The following SLC26A8 variants were observed in gnomAD, a reference collection of about 807,000 sequenced individuals.
SLC26A8 encodes solute carrier family 26 member 8.
A neutral mutation model predicts 105.0 loss-of-function variants in SLC26A8; 70 were observed. The ratio of observed to expected loss-of-function variants is 0.67; its 90% confidence interval spans 0.55 to 0.81. SLC26A8 has a LOEUF of 0.81. Ranked by LOEUF, SLC26A8 falls within the 40% of genes least tolerant of loss-of-function variation. SLC26A8 has a pLI of 0.00. For synonymous variants in SLC26A8, 415 were observed against 438.3 expected (o/e 0.95, Z 0.66); for missense variants, 998 against 1,181.8 (o/e 0.84, Z 2.28).
intron 11 of SLC26A8, among the ~76,000 whole-genome samples, chr6:35,966,661 G>A (rs1453521931): frequency 6.6e-6 from 1 of 152,100 alleles, no homozygotes; most frequent in Non-Finnish European, 1.5e-5. Flanking sequence ...CTCTACTAGG[G>A]ACTCTAACAA....
At chr6:35,983,288 G>C (rs1773353624) in intron 7 of SLC26A8, among the ~76,000 whole-genome samples, 1 of 152,042 alleles carries the variant, frequency 6.6e-6, no homozygotes, top group Non-Finnish European at 1.5e-5. Flanking sequence ...TGGCAAGCAT[G>C]GCAAGGAACT....
chr6:35,976,550 CTTT>C (rs371327114), intron 9 of SLC26A8, among the ~76,000 whole-genome samples: 5 of 130,134 alleles, frequency 3.8e-5, no homozygotes, highest in Non-Finnish European at 4.9e-5. Context: ...GAAGCCCTCG[CTTT>C]TTTTTTTTTT....
At chr6:35,998,083 G>A (rs1761407673) in intron 4 of SLC26A8, among the ~76,000 whole-genome samples, 164 bp from the exon 5 acceptor site, 1 of 152,204 alleles carries the variant, frequency 6.6e-6, no homozygotes. Flanking sequence ...AGAGAACTGT[G>A]TCTCCACATA....
At chr6:35,971,781 T>C (rs73729636) in intron 10 of SLC26A8, among the ~76,000 whole-genome samples, 22,905 of 152,232 alleles carry the variant, frequency 0.15, 1,812 homozygotes, top group Middle Eastern at 0.2. Context: ...AAGAATGCAA[T>C]GCATTCATTT....
chr6:35,955,390 A>G lies in SLC26A8; in HGVS notation c.1994T>C (p.Val665Ala), dbSNP rs1772020603. The G allele has an allele frequency of 6.2e-7, 1 of 1,614,034 alleles. No individual in the cohort carries two copies. Among genetic ancestry groups the G allele is most frequent in the Non-Finnish European group, 8.5e-7 (1 of 1,180,018 alleles). ...TTGATTTTTCTGAGACACGGACGAT[A>G]CTGTGTATGGCACTTGGTCTTCGGA... ...TASEDQVPYT[V>A]SSVSQKNQGQ... is the part of the protein sequence containing the mutation. The change falls in exon 17 of 20, where the codon GTA becomes GCA. Residue 665 changes from valine to alanine, a missense_variant. Coordinates refer to ENST00000490799, the MANE Select transcript of SLC26A8 (RefSeq NM_052961.4).
Position 35,973,551 on chromosome 6 carries a change from AT to A in SLC26A8, c.1287+1823del, listed in dbSNP as rs534302531. Among the ~76,000 whole-genome samples the A allele has an allele frequency of 6.1e-3, 889 of 144,906 alleles. 2 individuals are homozygous for A. Among genetic ancestry groups the A allele is most frequent in the Middle Eastern group, 0.018 (5 of 278 alleles). On this transcript the variant is annotated intron_variant, in intron 10 of 19. Transcript: ENST00000490799. ...TAAAACATTATAAAATATTTTAGCG[AT>A]TTTTTTTTTTTTAGCTCATCAGCTA...
chr6:35,944,509 AAATAAT>A lies in SLC26A8; in HGVS notation c.2473-175_2473-170del, dbSNP rs58506796. On this transcript the variant is annotated intron_variant, in intron 19 of 19. Coordinates refer to ENST00000490799, the MANE Select transcript of SLC26A8 (RefSeq NM_052961.4). ...AACATAGTAAAACTTCTATCTTAAC[AAATAAT>A]AATAATAATTATAATTATTATATAA... is the stretch of plus-strand genomic sequence containing the variant. 0.21 allele frequency among the ~76,000 whole-genome samples: 30,442 copies of A among 147,804 alleles called. 3,441 individuals carry two copies. Among genetic ancestry groups the A allele is most frequent in the Middle Eastern group, 0.3 (84 of 278 alleles).
intron 10 of SLC26A8, among the ~76,000 whole-genome samples, chr6:35,969,996 G>T (rs1772725479): frequency 6.6e-6 from 1 of 152,114 alleles, no homozygotes; most frequent in Admixed American, 6.6e-5. Flanking sequence ...ATGGTCTCTG[G>T]ATAGTCTTGA....
Position 35,977,251 on chromosome 6 carries a change from C to G in SLC26A8, c.1126G>C (p.Gly376Arg). Residue 376 changes from glycine (G) to arginine (R), a missense_variant, in exon 9 of 20, where the codon GGC becomes CGC. Transcript: ENST00000490799. Reference protein sequence around the residue: ...LVSSFLLIFLGKKIASLHNYS... With the variant: ...LVSSFLLIFLRKKIASLHNYS... The stretch of plus-strand genomic sequence containing the variant: ...TTGTGAAGACTGGCAATCTTCTTGC[C>G]CAGAAATATGAGCAGAAAGGAGCTC... 6.2e-7 allele frequency: 1 copy of G among 1,613,750 alleles called. No individual in the cohort carries two copies. The highest frequency in any genetic ancestry group is 8.5e-7 in the Non-Finnish European group (1 of 1,179,860).
Position 35,968,607 on chromosome 6 carries a change from GTGTATATATATATATATA to G in SLC26A8, c.1365+252_1365+269del, listed in dbSNP as rs1215773784. ...TGTGTGTATGTGTGTGTGTGTGTGT[GTGTATATATATATATATA>G]TATATATATATATATATATATATAT... On this transcript the variant is annotated intron_variant, in intron 11 of 19. Coordinates refer to ENST00000490799, the MANE Select transcript of SLC26A8 (RefSeq NM_052961.4). 7.9e-4 allele frequency among the ~76,000 whole-genome samples: 37 copies of G among 47,038 alleles called. 1 individual carries two copies. The highest frequency in any genetic ancestry group is 2.1e-3 in the South Asian group (3 of 1,422). The allele number at this position is 47,038 out of a possible 152,430, so 30.9% of individuals were successfully genotyped here.
rs995267209 is a variant in SLC26A8, at chr6:35,969,309, G to A, written c.1288-355C>T. On this transcript the variant is annotated intron_variant, in intron 10 of 19. Coordinates refer to ENST00000490799, the MANE Select transcript of SLC26A8 (RefSeq NM_052961.4). ...ACCTCTCCTTGCACAATTTAGAAAA[G>A]CCGTAGTTGGCCGGGTGCGGTGGCT... 3 of 217,216 alleles carry A rather than the reference G, an allele frequency of 1.4e-5. No homozygotes were observed. In the Admixed American group the frequency reaches 1.6e-4, roughly 12 times the overall value. 13.5% of individuals were successfully genotyped at this position (217,216 alleles called of 1,614,324 possible).
intron 2 of SLC26A8, among the ~76,000 whole-genome samples, chr6:36,016,691 A>G (rs1562075971): frequency 6.6e-6 from 1 of 152,218 alleles, no homozygotes. Flanking sequence ...TATTCAACCA[A>G]GACCGTTTAC....
chr6:36,019,739 G>C, intron 1 of SLC26A8, 30 bp from the exon 2 acceptor site: 1 of 1,567,698 alleles, frequency 6.4e-7, no homozygotes, highest in African/African-American at 1.4e-5. Context: ...GCAAATAAAA[G>C]AGCATTTTCA....
At chr6:35,949,667 A>G (rs1771792639) in intron 19 of SLC26A8, among the ~76,000 whole-genome samples, 1 of 152,112 alleles carries the variant, frequency 6.6e-6, no homozygotes. Flanking sequence ...ATAATTATAA[A>G]TTAAAAAATA....
intron 7 of SLC26A8, among the ~76,000 whole-genome samples, chr6:35,991,323 G>C (rs1471312626): frequency 6.7e-6 from 1 of 149,044 alleles, no homozygotes; most frequent in African/African-American, 2.5e-5. Context: ...AGAATTGCTT[G>C]AACCTGGGAG....
At chr6:35,978,632 C>T (rs1175246602) in intron 8 of SLC26A8, among the ~76,000 whole-genome samples, 2 of 151,752 alleles carry the variant, frequency 1.3e-5, no homozygotes, top group Admixed American at 6.6e-5. Flanking sequence ...ATGTAAATAC[C>T]CTTGGGAAAA....
intron 4 of SLC26A8, among the ~76,000 whole-genome samples, chr6:35,998,721 A>C (rs1562060345): frequency 6.6e-6 from 1 of 152,106 alleles, no homozygotes; most frequent in Non-Finnish European, 1.5e-5. Flanking sequence ...CTTAACTTTA[A>C]ATTTACCTAA....
intron 3 of SLC26A8, among the ~76,000 whole-genome samples, chr6:36,011,961 T>C (rs1030335903): frequency 1.6e-4 from 25 of 152,102 alleles, no homozygotes; most frequent in South Asian, 6.2e-4. Context: ...ATTATAGCCA[T>C]AAGCATGAAA....
Position 35,955,428 on chromosome 6 carries a change from T to G in SLC26A8, c.1956A>C (p.Thr652=). 8.1e-6 allele frequency: 13 copies of G among 1,614,204 alleles called. No individual in the cohort carries two copies. The highest frequency in any genetic ancestry group is 1.1e-5 in the Non-Finnish European group (13 of 1,180,036). ...CTTGGTCTTCGGATGCAGTTTGGCTTGTGTTCATGCTCTCAAAATGTGAGC... is the reference window on the plus strand; with the variant it reads ...CTTGGTCTTCGGATGCAGTTTGGCTGGTGTTCATGCTCTCAAAATGTGAGC... The part of the protein sequence containing the change: ...IHCSHFESMN[T]SQTASEDQVP... The change falls in exon 17 of 20, where the codon ACA becomes ACC. Residue 652 remains threonine (T), a synonymous_variant. Coordinates refer to ENST00000490799, the MANE Select transcript of SLC26A8 (RefSeq NM_052961.4).
Sources: gnomAD v4.1 joint callset for allele counts (sites outside exome capture counted in the v4.1 genomes callset) on GRCh38, gnomAD v4.1.1 for gene constraint, MANE v1.5 for transcripts, NCBI Gene and HGNC (gene_info 2026-07-23, HGNC 2026-07-21) for gene names.